Variants in SMYD3 observed in about 807,000 individuals in gnomAD.
SMYD3 encodes the protein histone-lysine N-methyltransferase SMYD3.
SMYD3 carries 36 observed loss-of-function variants against 57.7 expected under a neutral mutation model. The observed-to-expected ratio is 0.62, with a 90% CI of 0.48 to 0.82. The LOEUF (loss-of-function observed/expected upper bound fraction) is 0.82, where lower values mean the gene tolerates loss of function less well. Ranked by LOEUF, SMYD3 falls within the 40% of genes least tolerant of loss-of-function variation. The probability of loss-of-function intolerance (pLI) is 0.00; values close to 1 mark genes in which losing one functional copy is unlikely to be tolerated. For missense variants in SMYD3, 515 were observed against 538.8 expected (o/e 0.96, Z 0.44); for synonymous variants, 211 against 195.0 (o/e 1.08, Z -0.68).
chr1:246,283,796 C>T (rs2064500247), intron 5 of SMYD3, among the ~76,000 whole-genome samples: 1 of 152,154 alleles, frequency 6.6e-6, no homozygotes, highest in Non-Finnish European at 1.5e-5. Flanking sequence ...TTCTGTCTCC[C>T]ACTGACACAA....
intron 10 of SMYD3, among the ~76,000 whole-genome samples, chr1:245,836,667 C>G (rs1051022504): frequency 6.6e-6 from 1 of 152,166 alleles, no homozygotes; most frequent in African/African-American, 2.4e-5. Flanking sequence ...AGGGCTTGTA[C>G]CTGCTCTTAT....
At chr1:245,905,296 C>T (rs1179206205) in intron 8 of SMYD3, among the ~76,000 whole-genome samples, 2 of 152,050 alleles carry the variant, frequency 1.3e-5, no homozygotes, top group African/African-American at 2.4e-5. Context: ...TCCCTGACTC[C>T]AAGACTTGAG....
chr1:245,827,407 T>C (rs1200452659), intron 10 of SMYD3, among the ~76,000 whole-genome samples: 1 of 152,206 alleles, frequency 6.6e-6, no homozygotes, highest in East Asian at 1.9e-4. Context: ...GAACTCACGA[T>C]GCCTGGCCCA....
chr1:246,371,048 A>G (rs568997397), intron 1 of SMYD3, among the ~76,000 whole-genome samples: 1 of 152,358 alleles, frequency 6.6e-6, no homozygotes, highest in East Asian at 1.9e-4. Flanking sequence ...TAAATATTCA[A>G]TAATATTAAA....
intron 5 of SMYD3, among the ~76,000 whole-genome samples, chr1:245,977,658 G>A (rs1275514025): frequency 6.6e-6 from 1 of 152,188 alleles, no homozygotes; most frequent in Non-Finnish European, 1.5e-5. Flanking sequence ...CAGCCTGGGT[G>A]ACGGAGTGAG....
intron 5 of SMYD3, among the ~76,000 whole-genome samples, chr1:246,266,388 T>C (rs557801835): frequency 6.6e-6 from 1 of 152,252 alleles, no homozygotes; most frequent in South Asian, 2.1e-4. Context: ...ATTCCTAAAG[T>C]ATTTTGTTCA....
At chr1:246,000,283 C>T (rs1169160528) in intron 5 of SMYD3, among the ~76,000 whole-genome samples, 1 of 151,944 alleles carries the variant, frequency 6.6e-6, no homozygotes, top group Non-Finnish European at 1.5e-5. Flanking sequence ...TGGCAGGGCA[C>T]CGATAAGTGT....
chr1:246,389,798 G>C (rs1316264337), intron 1 of SMYD3, among the ~76,000 whole-genome samples: 2 of 143,480 alleles, frequency 1.4e-5, no homozygotes, highest in African/African-American at 5.1e-5. Flanking sequence ...ATCACCTCGA[G>C]GTTGAAGTCA....
chr1:246,223,870 A>G (rs539244570), intron 5 of SMYD3, among the ~76,000 whole-genome samples: 42 of 152,158 alleles, frequency 2.8e-4, no homozygotes, highest in Non-Finnish European at 3.8e-4. Context: ...TAAATTCTAT[A>G]ATTTCATTTG....
intron 5 of SMYD3, among the ~76,000 whole-genome samples, chr1:246,280,631 T>C (rs1446120954): frequency 6.6e-6 from 1 of 152,190 alleles, no homozygotes; most frequent in Admixed American, 6.5e-5. Flanking sequence ...ACCTCAATTT[T>C]TGGCAATCTC....
intron 7 of SMYD3, among the ~76,000 whole-genome samples, chr1:245,917,399 G>A (rs1558491811): frequency 6.6e-6 from 1 of 152,150 alleles, no homozygotes; most frequent in Non-Finnish European, 1.5e-5. Context: ...TGAAGGAAAA[G>A]AAAAACTGGT....
intron 5 of SMYD3, among the ~76,000 whole-genome samples, chr1:246,096,601 T>C (rs1347936668): frequency 6.6e-6 from 1 of 152,212 alleles, no homozygotes; most frequent in East Asian, 1.9e-4. Context: ...GCTTTTTAGA[T>C]GTTCTGATTA....
chr1:245,865,795 A>C (rs1336990092), intron 8 of SMYD3, among the ~76,000 whole-genome samples: 1 of 152,246 alleles, frequency 6.6e-6, no homozygotes, highest in East Asian at 1.9e-4. Flanking sequence ...CACACTCAAC[A>C]ACCCAGATAC....
At chr1:245,951,067 G>T (rs2057619313) in intron 5 of SMYD3, among the ~76,000 whole-genome samples, 1 of 152,110 alleles carries the variant, frequency 6.6e-6, no homozygotes, top group African/African-American at 2.4e-5. Context: ...GGTAAGTGAT[G>T]AAGGATACAC....
chr1:246,057,388 C>T (rs2060170153), intron 5 of SMYD3, among the ~76,000 whole-genome samples: 1 of 152,132 alleles, frequency 6.6e-6, no homozygotes, highest in African/African-American at 2.4e-5. Flanking sequence ...TCCTTCCTTC[C>T]TTCTTTCCTC....
chr1:246,411,429 G>T (rs61839780), intron 1 of SMYD3, among the ~76,000 whole-genome samples: 14,003 of 152,166 alleles, frequency 0.092, 877 homozygotes, highest in Non-Finnish European at 0.14. Context: ...ATTCCTCAGG[G>T]ATCTAGAACT....
chr1:245,749,733 C>A (rs2045257637), intron 11 of SMYD3, 69 bp from the exon 12 acceptor site: 3 of 1,218,824 alleles, frequency 2.5e-6, no homozygotes, highest in Admixed American at 1.8e-5. Context: ...CCCACCTTTA[C>A]CCCATGATGC....
chr1:246,396,469 ACAT>A (rs1461403922), intron 1 of SMYD3, among the ~76,000 whole-genome samples: 1 of 152,248 alleles, frequency 6.6e-6, no homozygotes, highest in Non-Finnish European at 1.5e-5. Context: ...AACTGGATAT[ACAT>A]CATCAACGCA....
intron 5 of SMYD3, among the ~76,000 whole-genome samples, chr1:246,000,145 T>C (rs777879295): frequency 3.3e-5 from 5 of 152,232 alleles, no homozygotes; most frequent in Non-Finnish European, 5.9e-5. Flanking sequence ...ATAAGATATA[T>C]AAATCATGCG....
Sources: gnomAD v4.1 joint callset for allele counts (sites outside exome capture counted in the v4.1 genomes callset) on GRCh38, gnomAD v4.1.1 for gene constraint, MANE v1.5 for transcripts, NCBI Gene and HGNC (gene_info 2026-07-23, HGNC 2026-07-21) for gene names.